The following RSPH4A variants were observed in gnomAD, a reference collection of about 807,000 sequenced individuals.
The protein encoded by RSPH4A is radial spoke head component 4A.
RSPH4A carries 47 observed loss-of-function variants against 71.0 expected under a neutral mutation model. The ratio of observed to expected loss-of-function variants is 0.66; its 90% CI spans 0.52 to 0.84. The LOEUF (loss-of-function observed/expected upper bound fraction) is 0.84, where lower values mean the gene tolerates loss of function less well. RSPH4A is among the 40% of genes least tolerant of loss of function. RSPH4A has a pLI of 0.00. For synonymous variants in RSPH4A, 282 were observed against 302.3 expected (o/e 0.93, Z 0.70); for missense variants, 793 against 855.2 (o/e 0.93, Z 0.91).
At chr6:116,622,065 G>T (rs1177350336) in intron 1 of RSPH4A, among the ~76,000 whole-genome samples, 1 of 152,128 alleles carries the variant, frequency 6.6e-6, no homozygotes, top group African/African-American at 2.4e-5. Flanking sequence ...GAATGGAATA[G>T]AACAAAATAT....
At chr6:116,624,613 A>G (rs1027749452) in intron 2 of RSPH4A, among the ~76,000 whole-genome samples, 4 of 152,208 alleles carry the variant, frequency 2.6e-5, no homozygotes, top group Non-Finnish European at 5.9e-5. Context: ...GCTCCACCTC[A>G]GAAAGTAGAA....
rs1355273374 is a variant in RSPH4A at position 116,616,583 on chromosome 6, G to T, written c.-41G>T. 3.3e-6 allele frequency: 5 copies of T among 1,525,500 alleles called. No homozygotes were observed. The highest frequency in any genetic ancestry group is 4.5e-6 in the Non-Finnish European group (5 of 1,113,980). The allele number at this position is 1,525,500 out of a possible 1,614,324, so 94.5% of individuals were successfully genotyped here. A position where few individuals can be genotyped will look rare whatever the true frequency, so the allele number is the denominator to read the frequency against. On this transcript the variant is annotated 5_prime_UTR_variant, in exon 1 of 6. Coordinates refer to ENST00000229554, the MANE Select transcript of RSPH4A (RefSeq NM_001010892.3). ...GAGTTGCCTTCTTCCATATTTTCACGCCCCTTTCATCCAGAACATTTTTTT... is the reference window on the plus strand; with the variant it reads ...GAGTTGCCTTCTTCCATATTTTCACTCCCCTTTCATCCAGAACATTTTTTT...
rs1318141851 is a variant in RSPH4A at position 116,632,845 on chromosome 6, G to C, written c.*404G>C. On this transcript the variant is annotated 3_prime_UTR_variant, in exon 6 of 6. Coordinates refer to ENST00000229554, the MANE Select transcript of RSPH4A (RefSeq NM_001010892.3). ...AAACACTGGAAGATATAACCCACAG[G>C]AAATTCTTGGAAACATCAATACTTT... is the stretch of plus-strand genomic sequence containing the variant. 1 of 202,178 alleles carries C rather than the reference G, an allele frequency of 4.9e-6. No individual in the cohort carries two copies. Among genetic ancestry groups the C allele is most frequent in the African/African-American group, 2.4e-5 (1 of 42,330 alleles). 12.5% of individuals were successfully genotyped at this position (202,178 alleles called of 1,614,324 possible). A position where few individuals can be genotyped will look rare whatever the true frequency, so the allele number is the denominator to read the frequency against.
At chr6:116,618,013 T>C (rs1413223771) in intron 1 of RSPH4A, among the ~76,000 whole-genome samples, 1 of 152,172 alleles carries the variant, frequency 6.6e-6, no homozygotes, top group Non-Finnish European at 1.5e-5. Flanking sequence ...TCAGTAGAAT[T>C]TTAGGGCTAG....
chr6:116,630,665 GTGTT>G, intron 5 of RSPH4A, 113 bp downstream of exon 5: 4 of 319,404 alleles, frequency 1.3e-5, no homozygotes, highest in Admixed American at 6.0e-5. Flanking sequence ...TTTTTTTTTC[GTGTT>G]TTTTTTTTTT....
chr6:116,630,071 C>G (rs1208580931), intron 4 of RSPH4A, among the ~76,000 whole-genome samples: 1 of 152,178 alleles, frequency 6.6e-6, no homozygotes. Flanking sequence ...ATTCTTGTCT[C>G]TTTCCCTTCA....
At chr6:116,621,471 A>G (rs1177744341) in intron 1 of RSPH4A, among the ~76,000 whole-genome samples, 2 of 152,200 alleles carry the variant, frequency 1.3e-5, no homozygotes, top group Non-Finnish European at 2.9e-5. Flanking sequence ...TTTCACTATA[A>G]TAAGAGAGGA....
rs775697683 is a variant in RSPH4A, at chr6:116,616,581, A to G, written c.-43A>G. 6.6e-7 allele frequency: 1 copy of G among 1,521,154 alleles called. No homozygotes were observed. The highest frequency in any genetic ancestry group is 9.0e-7 in the Non-Finnish European group (1 of 1,110,864). The allele number at this position is 1,521,154 out of a possible 1,614,324, so 94.2% of individuals were successfully genotyped here. On this transcript the variant is annotated 5_prime_UTR_variant, in exon 1 of 6. Transcript: ENST00000229554. The stretch of plus-strand genomic sequence containing the variant: ...CTGAGTTGCCTTCTTCCATATTTTC[A>G]CGCCCCTTTCATCCAGAACATTTTT...
At chr6:116,631,681 A>G (rs1277597919) in intron 5 of RSPH4A, among the ~76,000 whole-genome samples, 1 of 152,192 alleles carries the variant, frequency 6.6e-6, no homozygotes, top group Non-Finnish European at 1.5e-5. Context: ...ATGACGAGCC[A>G]AAGGGGCCAG....
Position 116,627,637 on chromosome 6 carries a change from C to T in RSPH4A, c.930C>T (p.Asn310=), listed in dbSNP as rs180881714. The T allele has an allele frequency of 2.2e-4, 358 of 1,613,708 alleles. 2 individuals are homozygous for T. The East Asian group carries it at 5.2e-3, about 24-fold the overall frequency. The part of the protein sequence containing the change: ...DQELEDEIAE[N]ALPNVMESAF... ...AGCATTTGTTTCCCCAGGCAGAAAA[C>T]GCTCTTCCAAATGTAATGGAGTCAG... Residue 310 remains asparagine (N), a synonymous_variant, in exon 3 of 6, where the codon AAC becomes AAT. Transcript: ENST00000229554.
intron 1 of RSPH4A, among the ~76,000 whole-genome samples, chr6:116,619,606 C>T (rs1283500395): frequency 6.6e-6 from 1 of 151,994 alleles, no homozygotes; most frequent in Non-Finnish European, 1.5e-5. Context: ...GCAGCTATTA[C>T]TAGGCTTTAA....
chr6:116,627,703 T>G lies in RSPH4A; in HGVS notation c.996T>G (p.Asp332Glu), dbSNP rs772497509. 1.2e-6 allele frequency: 2 copies of G among 1,614,166 alleles called. No individual in the cohort carries two copies. The highest frequency in any genetic ancestry group is 2.2e-5 in the East Asian group (1 of 44,884). ...FEQAGVGLGT[D>E]ETYRIFLALK... ...AAGCTGGAGTTGGTTTGGGCACAGA[T>G]GAGACATACCGCATATTTCTTGCCC... The change falls in exon 3 of 6, where the codon GAT becomes GAG. Residue 332 changes from aspartate to glutamate, a missense_variant. Coordinates refer to ENST00000229554, the MANE Select transcript of RSPH4A (RefSeq NM_001010892.3).
chr6:116,627,687 T>G lies in RSPH4A; in HGVS notation c.980T>G (p.Val327Gly). The G allele has an allele frequency of 6.2e-7, 1 of 1,614,024 alleles. No individual in the cohort carries two copies. ...ESAFYFEQAG[V>G]GLGTDETYRI... ...GCTTTTTATTTTGAACAAGCTGGAG[T>G]TGGTTTGGGCACAGATGAGACATAC... is the stretch of plus-strand genomic sequence containing the variant. The change falls in exon 3 of 6, where the codon GTT (valine) becomes GGT (glycine). Residue 327 changes from valine to glycine, a missense_variant. Transcript: ENST00000229554.
chr6:116,631,249 T>C (rs947918560), intron 5 of RSPH4A, among the ~76,000 whole-genome samples: 3 of 152,228 alleles, frequency 2.0e-5, no homozygotes, highest in East Asian at 3.8e-4. Context: ...TCTCAGATCA[T>C]TTCTGGAGAG....
chr6:116,632,328 G>A lies in RSPH4A; in HGVS notation c.2038G>A (p.Asp680Asn), dbSNP rs1289146333. Reference sequence around the variant, plus strand: ...TGGACCAGAAATTACAGAAATGGATGATCCTAGTGTGGAGGAGGAGCAGGC... The same window carrying A: ...TGGACCAGAAATTACAGAAATGGATAATCCTAGTGTGGAGGAGGAGCAGGC... Reference protein sequence around the residue: ...PSGPEITEMDDPSVEEEQAFR... With the variant: ...PSGPEITEMDNPSVEEEQAFR... Residue 680 changes from aspartate (D) to asparagine (N), a missense_variant, in exon 6 of 6, where the codon GAT (aspartate) becomes AAT (asparagine). Asp to Asn is a conservative substitution (Grantham distance 23, BLOSUM62 1). Transcript: ENST00000229554. The A allele has an allele frequency of 6.2e-7, 1 of 1,613,996 alleles. No individual in the cohort carries two copies.
intron 3 of RSPH4A, among the ~76,000 whole-genome samples, chr6:116,628,641 C>T (rs1309378467): frequency 1.3e-5 from 2 of 152,124 alleles, no homozygotes; most frequent in African/African-American, 4.8e-5. Flanking sequence ...GAGCGTTTGA[C>T]AGATGATGTA....
rs527501443 is a variant in RSPH4A, at chr6:116,616,533, G to C, written c.-91G>C. 2.6e-6 allele frequency: 3 copies of C among 1,154,058 alleles called. No homozygotes were observed. In the South Asian group the frequency reaches 4.0e-5, roughly 15 times the overall value. The allele number at this position is 1,154,058 out of a possible 1,614,324, so 71.5% of individuals were successfully genotyped here. The stretch of plus-strand genomic sequence containing the variant: ...CAACCAGGACCCAGAAATCGCTTAA[G>C]AGACCGCGGCAAAGTAACTTAACTG... On this transcript the variant is annotated 5_prime_UTR_variant, in exon 1 of 6. Transcript: ENST00000229554.
Position 116,617,231 on chromosome 6 carries a change from C to A in RSPH4A, c.608C>A (p.Ala203Asp). 1 of 1,614,012 alleles carries A rather than the reference C, an allele frequency of 6.2e-7. No homozygotes were observed. Among genetic ancestry groups the A allele is most frequent in the Non-Finnish European group, 8.5e-7 (1 of 1,179,900 alleles). ...CCGGCGCCTGGGGGCTCTGAAGTGG[C>A]CCCCAGCATGCTTGAGATCACCATT... is the stretch of plus-strand genomic sequence containing the variant. ...QQPAPGGSEV[A>D]PSMLEITIQN... Residue 203 changes from alanine to aspartate, a missense_variant, in exon 1 of 6, where the codon GCC (alanine) becomes GAC (aspartate). Ala to Asp is a moderately radical substitution (Grantham distance 126). Coordinates refer to ENST00000229554, the MANE Select transcript of RSPH4A (RefSeq NM_001010892.3).
Position 116,616,893 on chromosome 6 carries a change from C to G in RSPH4A, c.270C>G (p.Pro90=), listed in dbSNP as rs766527231. ...SSPAPVSPRE[P]SSSPSPLAPA... Reference sequence around the variant, plus strand: ...CTGCTCCTGTCTCTCCGCGGGAGCCCTCTTCCTCTCCTTCTCCCCTGGCTC... The same window carrying G: ...CTGCTCCTGTCTCTCCGCGGGAGCCGTCTTCCTCTCCTTCTCCCCTGGCTC... The change falls in exon 1 of 6, where the codon CCC becomes CCG. Residue 90 remains proline, a synonymous_variant. Transcript: ENST00000229554. 1.9e-6 allele frequency: 3 copies of G among 1,614,078 alleles called. No individual in the cohort carries two copies. The highest frequency in any genetic ancestry group is 2.5e-6 in the Non-Finnish European group (3 of 1,180,040).
Sources: gnomAD v4.1 joint callset for allele counts (sites outside exome capture counted in the v4.1 genomes callset) on GRCh38, gnomAD v4.1.1 for gene constraint, MANE v1.5 for transcripts, NCBI Gene and HGNC (gene_info 2026-07-23, HGNC 2026-07-21) for gene names.